MDGA2: variants seen among roughly 807,000 people sequenced by gnomAD.
The protein encoded by MDGA2 is MAM domain containing glycosylphosphatidylinositol anchor 2.
In MDGA2, 40 loss-of-function variants were observed where a neutral mutation model predicts 117.8. That is an observed-to-expected ratio of 0.34 (90% CI 0.26 to 0.44). The LOEUF is 0.44. Among genes scored for constraint, MDGA2 ranks in the 20% least tolerant of loss-of-function variants. The probability of loss-of-function intolerance (pLI) is 1.00; values close to 1 mark genes in which losing one functional copy is unlikely to be tolerated. For synonymous variants in MDGA2, 452 were observed against 439.0 expected, an observed-to-expected ratio of 1.03 and a Z score of -0.37; for missense variants, 1,123 against 1,250.6, an observed-to-expected ratio of 0.90 and a Z score of 1.54.
chr14:47,669,383 A>T (rs1384002669), intron 1 of MDGA2, among the ~76,000 whole-genome samples: 2 of 152,196 alleles, frequency 1.3e-5, no homozygotes, highest in African/African-American at 2.4e-5. Flanking sequence ...AATTGTCTAA[A>T]CTCTGGCACT....
At chr14:47,332,268 T>A (rs1385412980) in intron 1 of MDGA2, among the ~76,000 whole-genome samples, 1 of 152,004 alleles carries the variant, frequency 6.6e-6, no homozygotes, top group African/African-American at 2.4e-5. Flanking sequence ...TTCTGTTAAC[T>A]AGTGACTGGT....
chr14:47,137,672 TC>T (rs1882522297), intron 4 of MDGA2, among the ~76,000 whole-genome samples: 1 of 152,150 alleles, frequency 6.6e-6, no homozygotes, highest in South Asian at 2.1e-4. Flanking sequence ...AAATCTCTTT[TC>T]TTTATACATT....
At chr14:47,026,234 A>G (rs1888468826) in intron 8 of MDGA2, among the ~76,000 whole-genome samples, 1 of 152,178 alleles carries the variant, frequency 6.6e-6, no homozygotes, top group Non-Finnish European at 1.5e-5. Context: ...CACTCTAGTA[A>G]ATGTGTATCT....
intron 1 of MDGA2, among the ~76,000 whole-genome samples, chr14:47,558,103 G>C (rs1443571769): frequency 6.6e-6 from 1 of 152,136 alleles, no homozygotes; most frequent in Non-Finnish European, 1.5e-5. Context: ...GAGTGTGGCA[G>C]GAAGAAGGTA....
At chr14:47,310,469 A>G (rs899739173) in intron 1 of MDGA2, among the ~76,000 whole-genome samples, 5 of 152,080 alleles carry the variant, frequency 3.3e-5, no homozygotes, top group East Asian at 1.9e-4. Flanking sequence ...AAATCCATCA[A>G]ATATCTAACT....
chr14:46,887,447 T>C (rs911092144), intron 10 of MDGA2, among the ~76,000 whole-genome samples: 1 of 151,988 alleles, frequency 6.6e-6, no homozygotes, highest in Non-Finnish European at 1.5e-5. Context: ...AGAGCCCTTA[T>C]ATATTTAGTT....
chr14:47,288,160 A>G (rs528400745), intron 2 of MDGA2, among the ~76,000 whole-genome samples: 1 of 152,342 alleles, frequency 6.6e-6, no homozygotes, highest in African/African-American at 2.4e-5. Context: ...CACTTGCCCA[A>G]TTTTGGAATT....
intron 1 of MDGA2, among the ~76,000 whole-genome samples, chr14:47,451,788 T>C (rs1893246670): frequency 6.6e-6 from 1 of 152,096 alleles, no homozygotes; most frequent in Non-Finnish European, 1.5e-5. Flanking sequence ...TAGTAATATA[T>C]GTTACAATAA....
Position 46,884,086 on chromosome 14 carries a change from T to A in MDGA2, c.2239-1865A>T, listed in dbSNP as rs1252570915. Reference sequence around the variant, plus strand: ...TGTGGCCTATGACAAAGACATATTCTGTATAGATGTACCATTGTTTCTGAC... The same window carrying A: ...TGTGGCCTATGACAAAGACATATTCAGTATAGATGTACCATTGTTTCTGAC... On this transcript the variant is annotated intron_variant, in intron 10 of 16. Transcript: ENST00000399232. The surrounding 1 kb of genome is among the most constrained non-coding windows in gnomAD (Gnocchi z 4.1). Among the ~76,000 whole-genome samples the A allele has an allele frequency of 6.6e-6, 1 of 152,142 alleles. No homozygotes were observed. The highest frequency in any genetic ancestry group is 1.5e-5 in the Non-Finnish European group (1 of 68,018).
chr14:47,571,110 C>T (rs757233854), intron 1 of MDGA2, among the ~76,000 whole-genome samples: 6 of 152,150 alleles, frequency 3.9e-5, no homozygotes, highest in Admixed American at 1.3e-4. Context: ...TAAACAGGCA[C>T]TTCTCAAAAG....
chr14:47,438,264 C>A (rs907639788), intron 1 of MDGA2, among the ~76,000 whole-genome samples: 21 of 152,068 alleles, frequency 1.4e-4, no homozygotes, highest in African/African-American at 5.1e-4. Flanking sequence ...ATCTTCAATA[C>A]AAGAGTAAGG....
intron 5 of MDGA2, among the ~76,000 whole-genome samples, chr14:47,124,199 C>T (rs1372081518): frequency 1.3e-5 from 2 of 152,026 alleles, no homozygotes; most frequent in African/African-American, 4.8e-5. Context: ...TTTGCCCTCA[C>T]TGAAAAAGAA....
intron 1 of MDGA2, among the ~76,000 whole-genome samples, chr14:47,602,314 A>C (rs1896663249): frequency 6.6e-6 from 1 of 152,170 alleles, no homozygotes; most frequent in Admixed American, 6.5e-5. Context: ...GAGTGAGTGC[A>C]CTAAAAGCAC....
At chr14:47,477,117 G>A (rs551667280) in intron 1 of MDGA2, among the ~76,000 whole-genome samples, 28 of 152,308 alleles carry the variant, frequency 1.8e-4, no homozygotes, top group African/African-American at 4.8e-4. Context: ...AGCCGAGATC[G>A]TGCCATTGCA....
At chr14:47,168,203 A>G (rs1052422745) in intron 3 of MDGA2, among the ~76,000 whole-genome samples, 1 of 151,668 alleles carries the variant, frequency 6.6e-6, no homozygotes, top group Non-Finnish European at 1.5e-5. Context: ...TTTTTTAAAA[A>G]GAAAAAAAGA....
At chr14:47,525,087 A>G (rs143138452) in intron 1 of MDGA2, among the ~76,000 whole-genome samples, 2,185 of 152,248 alleles carry the variant, frequency 0.014, 42 homozygotes, top group African/African-American at 0.049. Flanking sequence ...CATTTGTTAA[A>G]CTTGCCTATG....
intron 2 of MDGA2, among the ~76,000 whole-genome samples, chr14:47,290,194 T>C (rs1394652521): frequency 2.6e-5 from 4 of 152,006 alleles, no homozygotes; most frequent in African/African-American, 7.2e-5. Context: ...TAATCCCCAG[T>C]AGGATGGTAT....
intron 1 of MDGA2, among the ~76,000 whole-genome samples, chr14:47,441,058 A>G (rs193212406): frequency 6.6e-6 from 1 of 152,288 alleles, no homozygotes; most frequent in East Asian, 1.9e-4. Flanking sequence ...GGAAGGAAAT[A>G]CATGCCACAA....
chr14:47,647,896 G>GTGACGGCTA (rs973000803), intron 1 of MDGA2, among the ~76,000 whole-genome samples: 1 of 151,924 alleles, frequency 6.6e-6, no homozygotes, highest in African/African-American at 2.4e-5. Flanking sequence ...AACATTTAAG[G>GTGACGGCTA]TGACGGCTAT....
Sources: gnomAD v4.1 joint callset for allele counts (sites outside exome capture counted in the v4.1 genomes callset) on GRCh38, gnomAD v4.1.1 for gene constraint, Gnocchi (gnomAD v3.1) non-coding constraint, MANE v1.5 for transcripts, NCBI Gene and HGNC (gene_info 2026-07-23, HGNC 2026-07-21) for gene names.